MACROD2: variants seen among roughly 807,000 people sequenced by gnomAD.
MACROD2 encodes mono-ADP ribosylhydrolase 2, also known as ADP-ribose glycohydrolase MACROD2.
Under a neutral mutation model 70.4 loss-of-function variants are expected in MACROD2, and 36 were observed. That is an observed-to-expected ratio of 0.51 (90% CI 0.39 to 0.68). The LOEUF is 0.68. Ranked by LOEUF, MACROD2 falls within the 30% of genes least tolerant of loss-of-function variation. MACROD2 has a pLI of 0.00. For synonymous variants in MACROD2, 172 were observed against 178.8 expected (o/e 0.96, Z 0.30); for missense variants, 496 against 538.4 (o/e 0.92, Z 0.78).
intron 5 of MACROD2, among the ~76,000 whole-genome samples, chr20:15,127,569 T>C (rs2076076027): frequency 6.6e-6 from 1 of 152,102 alleles, no homozygotes; most frequent in South Asian, 2.1e-4. Context: ...GGAGGCTCTA[T>C]TTCAAGGCTT....
intron 13 of MACROD2, among the ~76,000 whole-genome samples, chr20:15,975,126 A>G (rs2066286686): frequency 6.6e-6 from 1 of 152,164 alleles, no homozygotes; most frequent in Non-Finnish European, 1.5e-5. Flanking sequence ...AAGAAGATAT[A>G]CAGTCATTAT....
At chr20:14,385,754 A>G (rs1170756078) in intron 3 of MACROD2, among the ~76,000 whole-genome samples, 1 of 152,198 alleles carries the variant, frequency 6.6e-6, no homozygotes, top group Non-Finnish European at 1.5e-5. Flanking sequence ...TTGAAATGCT[A>G]AATCATGATA....
chr20:15,228,347 A>T (rs1370244525), intron 5 of MACROD2, among the ~76,000 whole-genome samples: 1 of 152,176 alleles, frequency 6.6e-6, no homozygotes, highest in Admixed American at 6.5e-5. Context: ...AGCCCCTCTT[A>T]ATATCGGCTG....
chr20:14,548,049 G>T (rs1029810250), intron 4 of MACROD2, among the ~76,000 whole-genome samples: 18 of 152,128 alleles, frequency 1.2e-4, no homozygotes, highest in African/African-American at 4.3e-4. Context: ...TAAAGTGATG[G>T]TAAAATAGAC....
intron 4 of MACROD2, among the ~76,000 whole-genome samples, chr20:14,586,298 T>A (rs538434890): frequency 6.6e-6 from 1 of 152,084 alleles, no homozygotes; most frequent in Non-Finnish European, 1.5e-5. Context: ...TAATGATGTG[T>A]TTGCATATTC....
rs542097949 is a variant in MACROD2 at position 14,730,477 on chromosome 20, A to C, written c.418+45518A>C. Among the ~76,000 whole-genome samples the C allele has an allele frequency of 4.6e-5, 7 of 152,268 alleles. No individual in the cohort carries two copies. The East Asian group carries it at 1.4e-3, about 29-fold the overall frequency. On this transcript the variant is annotated intron_variant, in intron 5 of 17. Coordinates refer to ENST00000684519, the MANE Select transcript of MACROD2 (RefSeq NM_001351661.2). ...TTAGCGAAAGATGGAAAACATTAGA[A>C]TAAAAGCTTCAGAGTGCTGGGAACC... is the stretch of plus-strand genomic sequence containing the variant.
chr20:14,042,103 CT>C (rs34468711), intron 2 of MACROD2, among the ~76,000 whole-genome samples: 1 of 152,032 alleles, frequency 6.6e-6, no homozygotes, highest in African/African-American at 2.4e-5. Flanking sequence ...AGAAACTGAA[CT>C]TTTTAGTATT....
At chr20:14,003,496 C>T in intron 2 of MACROD2, 1 of 244,704 alleles carries the variant, frequency 4.1e-6, no homozygotes, top group South Asian at 5.2e-5. Flanking sequence ...CACATCTGAC[C>T]TGTCTGCCCA....
intron 3 of MACROD2, among the ~76,000 whole-genome samples, chr20:14,346,551 C>A (rs970978769): frequency 6.6e-6 from 1 of 152,204 alleles, no homozygotes; most frequent in African/African-American, 2.4e-5. Flanking sequence ...ACATGGTATT[C>A]AGGCTCAGAG....
chr20:14,412,825 T>C (rs1024814348), intron 3 of MACROD2, among the ~76,000 whole-genome samples: 2 of 152,194 alleles, frequency 1.3e-5, no homozygotes, highest in Admixed American at 1.3e-4. Context: ...TATCCTGATA[T>C]AGGTTGGTAG....
intron 8 of MACROD2, among the ~76,000 whole-genome samples, chr20:15,767,266 A>G (rs1400888621): frequency 1.3e-5 from 2 of 152,228 alleles, no homozygotes; most frequent in Non-Finnish European, 2.9e-5. Context: ...AGCCCTTGTG[A>G]TACACCACAT....
At chr20:15,109,468 A>ACTTAATGTCAGCTTAATGTC (rs2075937872) in intron 5 of MACROD2, among the ~76,000 whole-genome samples, 1 of 152,150 alleles carries the variant, frequency 6.6e-6, no homozygotes, top group Admixed American at 6.5e-5. Context: ...CTTAATGTGG[A>ACTTAATGTCAGCTTAATGTC]AGAGGTAGGA....
At position 14,326,319 on chromosome 20, in the gene MACROD2, G is replaced by A. The variant is rs765030386; in HGVS notation, c.272-167160G>A. 1.2e-6 allele frequency: 2 copies of A among 1,613,896 alleles called. No homozygotes were observed. Among genetic ancestry groups the A allele is most frequent in the Admixed American group, 3.3e-5 (2 of 60,004 alleles). ...TCCCTGTGGTTTGGTGATCCTTAGT[G>A]AGCTTGGGGTTCTTAATATCTGGCT... is the stretch of plus-strand genomic sequence containing the variant. On this transcript the variant is annotated intron_variant, in intron 3 of 17. Coordinates refer to ENST00000684519, the MANE Select transcript of MACROD2 (RefSeq NM_001351661.2). The surrounding 1 kb of genome is among the most constrained non-coding windows in gnomAD (Gnocchi z 5.5).
chr20:15,653,206 A>G (rs2049672405), intron 8 of MACROD2, among the ~76,000 whole-genome samples: 1 of 152,240 alleles, frequency 6.6e-6, no homozygotes, highest in Admixed American at 6.5e-5. Flanking sequence ...TCCAAAACAG[A>G]TTAGCACTCT....
intron 5 of MACROD2, among the ~76,000 whole-genome samples, chr20:15,204,861 G>A (rs1335348512): frequency 6.6e-6 from 1 of 152,072 alleles, no homozygotes; most frequent in East Asian, 1.9e-4. Flanking sequence ...TAATGATGTA[G>A]AATCTTCCAC....
At chr20:14,298,507 G>T (rs1180934723) in intron 3 of MACROD2, among the ~76,000 whole-genome samples, 1 of 151,084 alleles carries the variant, frequency 6.6e-6, no homozygotes, top group Non-Finnish European at 1.5e-5. Flanking sequence ...GGCGGAGGTT[G>T]CAGTGACCCA....
chr20:14,710,170 A>G (rs1371352245), intron 5 of MACROD2, among the ~76,000 whole-genome samples: 1 of 152,164 alleles, frequency 6.6e-6, no homozygotes, highest in Non-Finnish European at 1.5e-5. Context: ...ATGAGAGAGT[A>G]AGCAAGGAGA....
At chr20:14,775,530 A>G (rs1468138002) in intron 5 of MACROD2, among the ~76,000 whole-genome samples, 1 of 152,028 alleles carries the variant, frequency 6.6e-6, no homozygotes, top group East Asian at 1.9e-4. Flanking sequence ...TAGCACAGCA[A>G]GAACTCACTC....
chr20:15,693,506 C>T (rs886575580), intron 8 of MACROD2, among the ~76,000 whole-genome samples: 12 of 152,208 alleles, frequency 7.9e-5, no homozygotes, highest in African/African-American at 2.4e-4. Context: ...CCAGCTCACT[C>T]TCTTCTCACA....
Sources: allele counts gnomAD v4.1 joint callset (sites outside exome capture counted in the v4.1 genomes callset), GRCh38; gene constraint gnomAD v4.1.1; non-coding constraint Gnocchi (gnomAD v3.1); transcripts MANE v1.5; gene names NCBI Gene and HGNC (gene_info 2026-07-23, HGNC 2026-07-21).